Variants in PRRG3 observed in about 807,000 individuals in gnomAD.
PRRG3 encodes transmembrane gamma-carboxyglutamic acid protein 3.
Under a neutral mutation model 15.8 loss-of-function variants are expected in PRRG3, and 21 were observed. The ratio of observed to expected loss-of-function variants is 1.33; its 90% CI spans 0.94 to 1.92. The LOEUF is 1.92. Ranked by LOEUF, PRRG3 falls within the 40% of genes most tolerant of loss-of-function variation. The pLI is 0.00. For synonymous variants in PRRG3, 125 were observed against 84.1 expected (o/e 1.49, Z -2.66); for missense variants, 251 against 200.2 (o/e 1.25, Z -1.53).
In PRRG3 at chrX:151,700,555, C is replaced by G; in HGVS notation, c.218C>G (p.Pro73Arg). Reference sequence around the variant, plus strand: ...AATGCAGTCTACTCTGTCCGAGACCCCTCGCAGAGCTCAGATGCCATGTAT... The same window carrying G: ...AATGCAGTCTACTCTGTCCGAGACCGCTCGCAGAGCTCAGATGCCATGTAT... ...YPNAVYSVRD[P>R]SQSSDAMYVV... The change falls in exon 4 of 4, where the codon CCC becomes CGC. Residue 73 changes from proline (P) to arginine (R), a missense_variant. Coordinates refer to ENST00000674457, the MANE Select transcript of PRRG3 (RefSeq NM_001372163.1). 8.3e-7 allele frequency: 1 copy of G among 1,208,011 alleles called. No individual in the cohort carries two copies. Among genetic ancestry groups the G allele is most frequent in the Non-Finnish European group, 1.1e-6 (1 of 892,868 alleles).
rs1288482054 is a variant in PRRG3 at position 151,704,198 on chromosome X, G to A, written c.*3165G>A. 2 of 109,616 alleles carry A rather than the reference G, an allele frequency of 1.8e-5. No individual in the cohort carries two copies. The highest frequency in any genetic ancestry group is 3.3e-5 in the African/African-American group (1 of 30,027). The allele number at this position is 109,616 out of a possible 1,213,427, so 9.0% of individuals were successfully genotyped here. ...AGAGTGGGGTGCACAGGTGCCTGGC[G>A]TGTACACACCACCCACACAGCTGCG... On this transcript the variant is annotated 3_prime_UTR_variant, in exon 4 of 4. Coordinates refer to ENST00000674457, the MANE Select transcript of PRRG3 (RefSeq NM_001372163.1).
chrX:151,704,403 A>C lies in PRRG3; in HGVS notation c.*3370A>C, dbSNP rs1383756618. On this transcript the variant is annotated 3_prime_UTR_variant, in exon 4 of 4. Coordinates refer to ENST00000674457, the MANE Select transcript of PRRG3 (RefSeq NM_001372163.1). ...CCGAATATGAGGAATTCAGGACAGG[A>C]AAGTGTCTTTTTGTCAAGTAGTCAG... is the stretch of plus-strand genomic sequence containing the variant. 1 of 111,722 alleles carries C rather than the reference A, an allele frequency of 9.0e-6. No individual in the cohort carries two copies. The highest frequency in any genetic ancestry group is 1.9e-5 in the Non-Finnish European group (1 of 53,116). 9.2% of individuals were successfully genotyped at this position (111,722 alleles called of 1,213,427 possible).
rs1391628204 is a variant in PRRG3, at chrX:151,703,190, C to T, written c.*2157C>T. 1 of 112,137 alleles carries T rather than the reference C, an allele frequency of 8.9e-6. No individual in the cohort carries two copies. Among genetic ancestry groups the T allele is most frequent in the Non-Finnish European group, 1.9e-5 (1 of 53,232 alleles). The allele number at this position is 112,137 out of a possible 1,213,427, so 9.2% of individuals were successfully genotyped here. The stretch of plus-strand genomic sequence containing the variant: ...TGAGGACAGGCCGTGGGAAGAGTCA[C>T]AGGAGGTTGCTTAAGGCCTGTGATG... On this transcript the variant is annotated 3_prime_UTR_variant, in exon 4 of 4. Transcript: ENST00000674457.
chrX:151,701,646 A>C lies in PRRG3; in HGVS notation c.*613A>C, dbSNP rs931232161. The C allele has an allele frequency of 3.6e-5, 4 of 112,557 alleles. No homozygotes were observed. Among genetic ancestry groups the C allele is most frequent in the African/African-American group, 1.3e-4 (4 of 30,949 alleles). 9.3% of individuals were successfully genotyped at this position (112,557 alleles called of 1,213,427 possible). ...AGGCCAAGGGAAATTTATCACATGG[A>C]TCTGTGATGTCCGCCTCCCCTAAAA... On this transcript the variant is annotated 3_prime_UTR_variant, in exon 4 of 4. Transcript: ENST00000674457.
intron 1 of PRRG3, among the ~76,000 whole-genome samples, chrX:151,695,999 C>T (rs1176090699): frequency 9.0e-6 from 1 of 111,029 alleles, no homozygotes; most frequent in Non-Finnish European, 1.9e-5. Context: ...GGAGTTGTGT[C>T]CCAGAGGCCT....
rs200459962 is a variant in PRRG3 at position 151,700,168 on chromosome X, C to T, written c.168+12C>T. 118 of 1,210,221 alleles carry T rather than the reference C, an allele frequency of 9.8e-5. No individual in the cohort carries two copies. In the African/African-American group the frequency reaches 2.0e-3, roughly 20 times the overall value. ...ACAAAGAGAAAACGGCATGTACCAC[C>T]CTGGGGCTGGTTCTGGGAGTAGGAG... is the stretch of plus-strand genomic sequence containing the variant. On this transcript the variant is annotated intron_variant, in intron 3 of 3. Coordinates refer to ENST00000674457, the MANE Select transcript of PRRG3 (RefSeq NM_001372163.1).
At position 151,698,794 on chromosome X, in the gene PRRG3, C is replaced by T; in HGVS notation, c.-21C>T. 3 of 1,204,903 alleles carry T rather than the reference C, an allele frequency of 2.5e-6. No homozygotes were observed. Among genetic ancestry groups the T allele is most frequent in the Non-Finnish European group, 2.2e-6 (2 of 891,073 alleles). On this transcript the variant is annotated 5_prime_UTR_variant, in exon 2 of 4. Coordinates refer to ENST00000674457, the MANE Select transcript of PRRG3 (RefSeq NM_001372163.1). ...TTTCTCTTACTCCAGAGAAGTGAGACCCTGCAGCTGAGGGAGCATCATGGC... is the reference window on the plus strand; with the variant it reads ...TTTCTCTTACTCCAGAGAAGTGAGATCCTGCAGCTGAGGGAGCATCATGGC...
chrX:151,700,385 C>T, intron 3 of PRRG3, 121 bp from the exon 4 acceptor site: 4 of 1,136,466 alleles, frequency 3.5e-6, no homozygotes, highest in Non-Finnish European at 4.7e-6. Context: ...ATTCTGCTGC[C>T]TCTCTGGTAA....
In PRRG3 at chrX:151,705,608, T is replaced by G. The variant is rs1198636791; in HGVS notation, c.*4575T>G. 2.0e-5 allele frequency: 4 copies of G among 202,734 alleles called. No homozygotes were observed. The highest frequency in any genetic ancestry group is 2.6e-4 in the East Asian group (2 of 7,698). 16.7% of individuals were successfully genotyped at this position (202,734 alleles called of 1,213,427 possible). On this transcript the variant is annotated 3_prime_UTR_variant, in exon 4 of 4. Transcript: ENST00000674457. ...GGCCTGAACACATCTGTTATTTTGC[T>G]CTGACATTGTGAATTTGTGACAGTG...
intron 3 of PRRG3, 119 bp from the exon 4 acceptor site, chrX:151,700,387 C>T: frequency 8.8e-6 from 10 of 1,132,572 alleles, no homozygotes; most frequent in Non-Finnish European, 1.1e-5. Context: ...TCTGCTGCCT[C>T]TCTGGTAACT....
intron 3 of PRRG3, 28 bp from the exon 4 acceptor site, chrX:151,700,478 C>G (rs752929091): frequency 8.6e-7 from 1 of 1,161,714 alleles, no homozygotes; most frequent in East Asian, 3.0e-5. Context: ...GCTTGAGCTT[C>G]TCTTAAGTAC....
Position 151,701,732 on chromosome X carries a change from G to T in PRRG3, c.*699G>T, listed in dbSNP as rs1378773343. 3 of 111,842 alleles carry T rather than the reference G, an allele frequency of 2.7e-5. No individual in the cohort carries two copies. 9.2% of individuals were successfully genotyped at this position (111,842 alleles called of 1,213,427 possible). Reference sequence around the variant, plus strand: ...GTGAAGGATGAGGGCCAGAGGGCTGGGTGGCAGAGTTTCCTCTTCCACATT... The same window carrying T: ...GTGAAGGATGAGGGCCAGAGGGCTGTGTGGCAGAGTTTCCTCTTCCACATT... On this transcript the variant is annotated 3_prime_UTR_variant, in exon 4 of 4. Transcript: ENST00000674457.
At position 151,700,231 on chromosome X, in the gene PRRG3, A is replaced by G. The variant is rs765008446; in HGVS notation, c.168+75A>G. The G allele has an allele frequency of 6.6e-6, 8 of 1,203,239 alleles. No individual in the cohort carries two copies. The African/African-American group carries it at 1.4e-4, about 21-fold the overall frequency. ...TAGCAAGAACAGGCCCTGGTAATGC[A>G]GACCAATCAGAAGCAAGGAAAGACA... is the stretch of plus-strand genomic sequence containing the variant. On this transcript the variant is annotated intron_variant, in intron 3 of 3. Coordinates refer to ENST00000674457, the MANE Select transcript of PRRG3 (RefSeq NM_001372163.1).
At chrX:151,700,299 A>G (rs780804426) in intron 3 of PRRG3, 143 bp downstream of exon 3, 2 of 1,165,954 alleles carry the variant, frequency 1.7e-6, no homozygotes, top group Non-Finnish European at 2.3e-6. Context: ...CGGAGCAGAT[A>G]AAGTACGTAC....
At position 151,700,979 on chromosome X, in the gene PRRG3, C is replaced by A. The variant is rs749740995; in HGVS notation, c.642C>A (p.Asp214Glu). 1.9e-5 allele frequency: 23 copies of A among 1,183,371 alleles called. 1 individual carries two copies. The South Asian group carries it at 3.9e-4, about 20-fold the overall frequency. The change falls in exon 4 of 4, where the codon GAC becomes GAA. Residue 214 changes from aspartate to glutamate, a missense_variant. Physicochemically the swap from Asp to Glu is conservative, Grantham distance 45. Transcript: ENST00000674457. ...SSEEASVSYS[D>E]PPPKYEEIVA... Reference sequence around the variant, plus strand: ...AGGAGGCCAGCGTGTCTTACAGTGACCCACCCCCAAAGTACGAGGAGATAG... The same window carrying A: ...AGGAGGCCAGCGTGTCTTACAGTGAACCACCCCCAAAGTACGAGGAGATAG...
At position 151,701,286 on chromosome X, in the gene PRRG3, A is replaced by G. The variant is rs1326830799; in HGVS notation, c.*253A>G. The stretch of plus-strand genomic sequence containing the variant: ...GCCCAACTCTTTGGGATGACCCCCA[A>G]GCCTCCAACATCCTGTCTTTCCATC... On this transcript the variant is annotated 3_prime_UTR_variant, in exon 4 of 4. Coordinates refer to ENST00000674457, the MANE Select transcript of PRRG3 (RefSeq NM_001372163.1). 3 of 279,667 alleles carry G rather than the reference A, an allele frequency of 1.1e-5. No homozygotes were observed. Among genetic ancestry groups the G allele is most frequent in the African/African-American group, 8.3e-5 (3 of 36,363 alleles). The allele number at this position is 279,667 out of a possible 1,213,427, so 23.0% of individuals were successfully genotyped here. A position where few individuals can be genotyped will look rare whatever the true frequency, so the allele number is the denominator to read the frequency against.
At chrX:151,694,854 G>A (rs1180513652), upstream of PRRG3, among the ~76,000 whole-genome samples, 1 of 111,732 alleles carries the variant, frequency 8.9e-6, no homozygotes, top group Non-Finnish European at 1.9e-5. Context: ...TCTTCCGAGG[G>A]CCCACGCCTT....
intron 1 of PRRG3, 29 bp from the exon 2 acceptor site, chrX:151,698,755 A>C: frequency 8.8e-7 from 1 of 1,136,522 alleles, no homozygotes; most frequent in East Asian, 3.0e-5. Context: ...ATGTGGTTTC[A>C]CTGCAACTTT....
intron 1 of PRRG3, among the ~76,000 whole-genome samples, chrX:151,696,811 C>T (rs1006028441): frequency 1.8e-5 from 2 of 110,974 alleles, no homozygotes; most frequent in Non-Finnish European, 3.8e-5. Flanking sequence ...TTCTGACAAA[C>T]ATTGAGGGCC....
Sources: gnomAD v4.1 joint callset for allele counts (sites outside exome capture counted in the v4.1 genomes callset) on GRCh38, gnomAD v4.1.1 for gene constraint, MANE v1.5 for transcripts, NCBI Gene and HGNC (gene_info 2026-07-23, HGNC 2026-07-21) for gene names.